The following TRDN variants were observed in gnomAD, a reference collection of about 807,000 sequenced individuals.
TRDN encodes triadin in skeletal muscle.
A neutral mutation model predicts 149.7 loss-of-function variants in TRDN; 161 were observed. The observed-to-expected ratio is 1.08, with a 90% CI of 0.95 to 1.23. The LOEUF is 1.23. Ranked by LOEUF, TRDN falls within the 50% of genes most tolerant of loss-of-function variation. The pLI is 0.00. For synonymous variants in TRDN, 294 were observed against 250.5 expected, an observed-to-expected ratio of 1.17 and a Z score of -1.64; for missense variants, 896 against 823.5, an observed-to-expected ratio of 1.09 and a Z score of -1.08.
intron 24 of TRDN, among the ~76,000 whole-genome samples, chr6:123,315,864 T>C (rs9398726): frequency 0.18 from 27,450 of 151,850 alleles, 3,365 homozygotes; most frequent in East Asian, 0.6. Context: ...CTTCTTCCCT[T>C]GCAAAACCTG....
intron 10 of TRDN, among the ~76,000 whole-genome samples, chr6:123,446,152 C>T (rs562737573): frequency 1.7e-4 from 26 of 150,640 alleles, no homozygotes; most frequent in African/African-American, 5.6e-4. Context: ...AACCAAACAC[C>T]GCATATTCTC....
At chr6:123,267,804 TTTC>T in intron 31 of TRDN, 53 bp from the exon 32 acceptor site, 1 of 1,425,790 alleles carries the variant, frequency 7.0e-7, no homozygotes, top group Non-Finnish European at 9.5e-7. Flanking sequence ...TTGGCAAATA[TTTC>T]TTATTTATAT....
At chr6:123,455,976 A>T (rs191484916) in intron 10 of TRDN, among the ~76,000 whole-genome samples, 28 of 152,290 alleles carry the variant, frequency 1.8e-4, no homozygotes, top group Admixed American at 1.2e-3. Flanking sequence ...TCTTTTCATG[A>T]CTAAATTATC....
At chr6:123,413,287 A>G (rs1055396839) in intron 12 of TRDN, among the ~76,000 whole-genome samples, 1 of 152,268 alleles carries the variant, frequency 6.6e-6, no homozygotes, top group Admixed American at 6.5e-5. Flanking sequence ...CTTGGACTCA[A>G]TGTCCTGTGA....
intron 9 of TRDN, among the ~76,000 whole-genome samples, chr6:123,478,018 C>T (rs1777578761): frequency 1.3e-5 from 2 of 151,062 alleles, no homozygotes; most frequent in South Asian, 4.2e-4. Flanking sequence ...TGTAACTAAC[C>T]TGCACAATGT....
At position 123,218,437 on chromosome 6, in the gene TRDN, T is replaced by A; in HGVS notation, c.*164A>T. 1.4e-6 allele frequency: 1 copy of A among 693,694 alleles called. No homozygotes were observed. Among genetic ancestry groups the A allele is most frequent in the Non-Finnish European group, 2.3e-6 (1 of 427,286 alleles). 43.0% of individuals were successfully genotyped at this position (693,694 alleles called of 1,614,324 possible). On this transcript the variant is annotated 3_prime_UTR_variant, in exon 41 of 41. Transcript: ENST00000334268. ...TTAGACCCTTAAACATGTCTGCTCA[T>A]CACTCAATCCATTTGGCCACCCTTT...
intron 29 of TRDN, among the ~76,000 whole-genome samples, chr6:123,272,513 G>A (rs1305014776): frequency 6.6e-6 from 1 of 151,620 alleles, no homozygotes; most frequent in Admixed American, 6.6e-5. Flanking sequence ...AAATAAGAAA[G>A]GGAAGGAAGG....
At chr6:123,337,200 G>C (rs1013940088) in intron 22 of TRDN, among the ~76,000 whole-genome samples, 1 of 151,850 alleles carries the variant, frequency 6.6e-6, no homozygotes, top group African/African-American at 2.4e-5. Context: ...TTGTAGCTTT[G>C]CCATTTTTGT....
At chr6:123,254,331 A>T (rs544587117) in intron 37 of TRDN, among the ~76,000 whole-genome samples, 8 of 152,158 alleles carry the variant, frequency 5.3e-5, no homozygotes, top group African/African-American at 1.9e-4. Context: ...GTATGTCTAG[A>T]TATGTCTAGT....
At chr6:123,356,591 C>T (rs1582911001) in intron 20 of TRDN, among the ~76,000 whole-genome samples, 1 of 142,748 alleles carries the variant, frequency 7.0e-6, no homozygotes, top group East Asian at 2.0e-4. Flanking sequence ...GTAATTCTAA[C>T]CCCATATAAT....
In TRDN at chr6:123,399,615, T is replaced by G. The variant is rs549982328; in HGVS notation, c.1052-5938A>C. Among the ~76,000 whole-genome samples, 5 of 152,268 alleles carry G rather than the reference T, an allele frequency of 3.3e-5. No homozygotes were observed. In the South Asian group the frequency reaches 1.0e-3, roughly 32 times the overall value. ...GATGCCAGAGAAAGAAATACCTGTC[T>G]TAGAGGGGTCCTAGATGTTTTTGCC... is the stretch of plus-strand genomic sequence containing the variant. On this transcript the variant is annotated intron_variant, in intron 12 of 40. Coordinates refer to ENST00000334268, the MANE Select transcript of TRDN (RefSeq NM_006073.4).
intron 1 of TRDN, among the ~76,000 whole-genome samples, chr6:123,608,629 A>G (rs1020253555): frequency 3.3e-5 from 5 of 152,202 alleles, no homozygotes; most frequent in Non-Finnish European, 7.3e-5. Flanking sequence ...TTTAAAAATG[A>G]TATGTTTTTT....
intron 12 of TRDN, among the ~76,000 whole-genome samples, chr6:123,401,075 T>G (rs1014577798): frequency 1.3e-5 from 2 of 152,034 alleles, no homozygotes; most frequent in African/African-American, 2.4e-5. Context: ...AAAGCCCATA[T>G]TATATGCCTG....
intron 33 of TRDN, 142 bp downstream of exon 33, chr6:123,265,176 G>T: frequency 1.7e-6 from 1 of 572,690 alleles, no homozygotes; most frequent in Non-Finnish European, 2.8e-6. Flanking sequence ...TTGTCAACCA[G>T]ACTCACTTAT....
At chr6:123,363,950 A>C (rs1780992446) in intron 20 of TRDN, among the ~76,000 whole-genome samples, 1 of 152,234 alleles carries the variant, frequency 6.6e-6, no homozygotes, top group African/African-American at 2.4e-5. Flanking sequence ...GCTAATTACC[A>C]AATTTTGGCC....
At chr6:123,508,504 A>G (rs1043253382) in intron 7 of TRDN, among the ~76,000 whole-genome samples, 1 of 152,178 alleles carries the variant, frequency 6.6e-6, no homozygotes, top group Non-Finnish European at 1.5e-5. Context: ...GGTCACACTG[A>G]CATCCACATC....
chr6:123,544,223 G>C (rs1175248477), intron 4 of TRDN, among the ~76,000 whole-genome samples: 2 of 149,862 alleles, frequency 1.3e-5, no homozygotes, highest in Non-Finnish European at 3.0e-5. Flanking sequence ...CAAGTATTGA[G>C]AAGCCTTATG....
intron 7 of TRDN, among the ~76,000 whole-genome samples, chr6:123,506,245 T>A (rs1427761980): frequency 6.6e-6 from 1 of 152,150 alleles, no homozygotes; most frequent in Non-Finnish European, 1.5e-5. Context: ...AAAATCAGCA[T>A]AATAATAAAA....
At chr6:123,298,607 C>T (rs902816212) in intron 24 of TRDN, among the ~76,000 whole-genome samples, 2 of 152,070 alleles carry the variant, frequency 1.3e-5, no homozygotes, top group Non-Finnish European at 2.9e-5. Flanking sequence ...ATTCTTAGCA[C>T]TTGTGCATTG....
Sources: gnomAD v4.1 joint callset for allele counts (sites outside exome capture counted in the v4.1 genomes callset) on GRCh38, gnomAD v4.1.1 for gene constraint, MANE v1.5 for transcripts, NCBI Gene and HGNC (gene_info 2026-07-23, HGNC 2026-07-21) for gene names.